KDM2B: variants seen among roughly 807,000 people sequenced by gnomAD.
KDM2B encodes the protein lysine demethylase 2B, also known as lysine-specific demethylase 2B.
In KDM2B, 26 loss-of-function variants were observed where a neutral mutation model predicts 150.0. The ratio of observed to expected loss-of-function variants is 0.17; its 90% confidence interval spans 0.13 to 0.24. KDM2B has a LOEUF of 0.24. KDM2B is among the 10% of genes least tolerant of loss of function. KDM2B has a pLI of 1.00. For synonymous variants in KDM2B, 734 were observed against 729.5 expected, an observed-to-expected ratio of 1.01 and a Z score of -0.10; for missense variants, 1,265 against 1,816.9, an observed-to-expected ratio of 0.70 and a Z score of 5.52.
At chr12:121,510,153 CA>C in intron 10 of KDM2B, 114 bp from the exon 11 acceptor site, 1 of 928,174 alleles carries the variant, frequency 1.1e-6, no homozygotes, top group Non-Finnish European at 1.6e-6. Flanking sequence ...GCTTCTCTAA[CA>C]ATCCTAATGG....
At chr12:121,424,653 G>C (rs1555283997), downstream of KDM2B, among the ~76,000 whole-genome samples, 1 of 150,826 alleles carries the variant, frequency 6.6e-6, no homozygotes, top group South Asian at 2.1e-4. Context: ...GGAGGTTACA[G>C]TGAGCCAAGA....
upstream of KDM2B, chr12:121,581,118 T>A: frequency 1.8e-6 from 1 of 568,256 alleles, no homozygotes; most frequent in Non-Finnish European, 2.8e-6. Context: ...GTGGACTCCT[T>A]TACTAGGCGA....
chr12:121,420,754 G>C, the KDM2B span: 1 of 1,613,724 alleles, frequency 6.2e-7, no homozygotes, highest in Non-Finnish European at 8.5e-7. Flanking sequence ...GTTATACAAA[G>C]AGAATGAAGA....
chr12:121,443,995 C>A lies in KDM2B; in HGVS notation c.2451+17G>T, dbSNP rs781832133. ...CCAGACCAACCCCTTTGCCTCCCAG[C>A]CCCTCCTGGTCCGTACCCGCTTGCG... On this transcript the variant is annotated intron_variant, in intron 16 of 22. Coordinates refer to ENST00000377071, the MANE Select transcript of KDM2B (RefSeq NM_032590.5). 5.0e-6 allele frequency: 8 copies of A among 1,589,852 alleles called. No individual in the cohort carries two copies. Among genetic ancestry groups the A allele is most frequent in the Middle Eastern group, 1.7e-4 (1 of 5,876 alleles).
chr12:121,430,759 T>C lies in KDM2B; in HGVS notation c.3830-290A>G. 5.4e-6 allele frequency: 3 copies of C among 558,610 alleles called. No homozygotes were observed. The highest frequency in any genetic ancestry group is 2.7e-5 in the South Asian group (1 of 37,556). 34.6% of individuals were successfully genotyped at this position (558,610 alleles called of 1,614,324 possible). A position where few individuals can be genotyped will look rare whatever the true frequency, so the allele number is the denominator to read the frequency against. ...CTGCCTCTATACGTGCGTATGCTCA[T>C]GTAAGTAGTTCTATGTGCTTTTACA... On this transcript the variant is annotated intron_variant, in intron 22 of 22. Coordinates refer to ENST00000377071, the MANE Select transcript of KDM2B (RefSeq NM_032590.5). The surrounding 1 kb of genome is among the most constrained non-coding windows in gnomAD (Gnocchi z 4.4).
chr12:121,426,203 T>G (rs1872502598), downstream of KDM2B, among the ~76,000 whole-genome samples: 1 of 152,222 alleles, frequency 6.6e-6, no homozygotes, highest in Non-Finnish European at 1.5e-5. Flanking sequence ...GTTTAATGTT[T>G]ACTCTTAGAT....
chr12:121,412,230 C>CT, the KDM2B span, among the ~76,000 whole-genome samples: 358 of 49,662 alleles, frequency 7.2e-3, 29 homozygotes, highest in Non-Finnish European at 9.2e-3. Context: ...CCCAACTAAT[C>CT]TTTTTTTTTT....
rs781927600 is a variant in KDM2B, at chr12:121,444,144, C to T, written c.2319G>A (p.Ala773=). The change falls in exon 16 of 23, where the codon GCG becomes GCA. Residue 773 remains alanine, a synonymous_variant. Transcript: ENST00000377071. ...PAKRRSECEE[A]PRRRSDEHSK... is the part of the protein sequence containing the mutation. ...AGTGCTCATCCGACCTGCGCCGGGG[C>T]GCCTCCTCACACTCACTCCTCCGCT... 210 of 1,612,470 alleles carry T rather than the reference C, an allele frequency of 1.3e-4. No individual in the cohort carries two copies. The highest frequency in any genetic ancestry group is 1.7e-4 in the Non-Finnish European group (199 of 1,180,046).
chr12:121,562,046 C>G (rs1334512465), intron 4 of KDM2B, among the ~76,000 whole-genome samples: 1 of 151,222 alleles, frequency 6.6e-6, no homozygotes, highest in Non-Finnish European at 1.5e-5. Flanking sequence ...GTGGTGCGAG[C>G]CTATAATCCC....
intron 11 of KDM2B, among the ~76,000 whole-genome samples, chr12:121,504,149 G>C (rs1555302563): frequency 6.6e-6 from 1 of 152,062 alleles, no homozygotes; most frequent in Admixed American, 6.6e-5. Context: ...CCACCTCCTG[G>C]GCTCAAATGA....
the KDM2B span, chr12:121,420,858 G>A: frequency 9.5e-7 from 1 of 1,047,826 alleles, no homozygotes; most frequent in Non-Finnish European, 1.5e-6. Flanking sequence ...TCACAATTAA[G>A]TCAAATTTAT....
intron 2 of KDM2B, among the ~76,000 whole-genome samples, chr12:121,577,177 A>G (rs1186695589): frequency 6.6e-6 from 1 of 152,070 alleles, no homozygotes; most frequent in Non-Finnish European, 1.5e-5. Flanking sequence ...GATACACTTT[A>G]GCTCTCCCTG....
chr12:121,552,806 C>A (rs1555312016), intron 4 of KDM2B, among the ~76,000 whole-genome samples: 1 of 152,140 alleles, frequency 6.6e-6, no homozygotes, highest in Admixed American at 6.6e-5. Context: ...CACCAGGGGG[C>A]ATCCCCGTTC....
At chr12:121,473,913 G>A (rs1451733497) in intron 12 of KDM2B, among the ~76,000 whole-genome samples, 1 of 152,168 alleles carries the variant, frequency 6.6e-6, no homozygotes, top group African/African-American at 2.4e-5. Context: ...AAGGAGTGAA[G>A]TACTAACACA....
rs781971952 is a variant in KDM2B at position 121,440,981 on chromosome 12, G to C, written c.3449-4C>G. On this transcript the variant is annotated splice_region_variant and splice_polypyrimidine_tract_variant and intron_variant, in intron 20 of 22. Transcript: ENST00000377071. ...GACAGCACCAAGTCCCGGAGCCCTG[G>C]GGGGACATAGAAAAGGGTGAAGGTC... 1.1e-5 allele frequency: 18 copies of C among 1,613,486 alleles called. No homozygotes were observed. Among genetic ancestry groups the C allele is most frequent in the Non-Finnish European group, 1.4e-5 (17 of 1,179,628 alleles).
intron 8 of KDM2B, among the ~76,000 whole-genome samples, chr12:121,522,411 A>G (rs1462213903): frequency 6.6e-6 from 1 of 151,602 alleles, no homozygotes; most frequent in Non-Finnish European, 1.5e-5. Flanking sequence ...GCTACTCAGG[A>G]GGCTGAGGCA....
At chr12:121,554,460 G>A (rs536466862) in intron 4 of KDM2B, among the ~76,000 whole-genome samples, 71 of 151,274 alleles carry the variant, frequency 4.7e-4, no homozygotes, top group Non-Finnish European at 7.8e-4. Context: ...GCTGGAGTGC[G>A]ATGGCGATGG....
rs1872675294 is a variant in KDM2B, at chr12:121,429,172, T to G, written c.*1116A>C. ...CTCCTAGAACAGAAACCCTCAAAGT[T>G]CAAGAGTGGTTTTTTTTGTACAATT... is the stretch of plus-strand genomic sequence containing the variant. On this transcript the variant is annotated 3_prime_UTR_variant, in exon 23 of 23. Transcript: ENST00000377071. 2.0e-5 allele frequency: 3 copies of G among 152,624 alleles called. No individual in the cohort carries two copies. The South Asian group carries it at 6.2e-4, about 32-fold the overall frequency. The allele number at this position is 152,624 out of a possible 1,614,324, so 9.5% of individuals were successfully genotyped here.
rs1886682799 is a variant in KDM2B at position 121,521,447 on chromosome 12, T to G, written c.932-347A>C. Among the ~76,000 whole-genome samples, 1 of 152,142 alleles carries G rather than the reference T, an allele frequency of 6.6e-6. No homozygotes were observed. The highest frequency in any genetic ancestry group is 1.5e-5 in the Non-Finnish European group (1 of 67,998). On this transcript the variant is annotated intron_variant, in intron 8 of 22. Coordinates refer to ENST00000377071, the MANE Select transcript of KDM2B (RefSeq NM_032590.5). This position sits in a 1 kb window ranked among gnomAD's most constrained non-coding sequence, Gnocchi z 4.9. ...GAGGCAGGCCCTTTCTCCACCTCCA[T>G]GCAGGCCACGGAGCCTCACCTCCCC...
Sources: allele counts gnomAD v4.1 joint callset (sites outside exome capture counted in the v4.1 genomes callset), GRCh38; gene constraint gnomAD v4.1.1; non-coding constraint Gnocchi (gnomAD v3.1); transcripts MANE v1.5; gene names NCBI Gene and HGNC (gene_info 2026-07-23, HGNC 2026-07-21).